GALNT10: variants seen among roughly 807,000 people sequenced by gnomAD.
GALNT10 encodes the protein GalNAc transferase 10.
In GALNT10, 41 loss-of-function variants were observed where a neutral mutation model predicts 75.0. That is an observed-to-expected ratio of 0.55 (90% CI 0.43 to 0.71). The LOEUF is 0.71. GALNT10 is among the 30% of genes least tolerant of loss of function. The pLI is 0.00. For synonymous variants in GALNT10, 302 were observed against 313.0 expected, an observed-to-expected ratio of 0.96 and a Z score of 0.37; for missense variants, 727 against 818.5, an observed-to-expected ratio of 0.89 and a Z score of 1.36.
chr5:154,209,702 A>G (rs1581919430), intron 1 of GALNT10, among the ~76,000 whole-genome samples: 1 of 152,280 alleles, frequency 6.6e-6, no homozygotes, highest in South Asian at 2.1e-4. Context: ...TTCATGACCT[A>G]ATTACCTTCC....
intron 1 of GALNT10, among the ~76,000 whole-genome samples, chr5:154,244,028 T>C (rs1362892800): frequency 6.6e-6 from 1 of 152,088 alleles, no homozygotes; most frequent in East Asian, 1.9e-4. Context: ...AGTGGGTGAG[T>C]AGCAGCACCA....
intron 7 of GALNT10, 107 bp downstream of exon 7, chr5:154,386,537 G>T: frequency 1.8e-6 from 1 of 550,264 alleles, no homozygotes; most frequent in Non-Finnish European, 3.4e-6. Flanking sequence ...AGGCCTCAGG[G>T]TTCTGTAGCC....
At chr5:154,300,905 AGGGCTAGCCAGG>A (rs1273945291) in intron 3 of GALNT10, among the ~76,000 whole-genome samples, 1 of 152,194 alleles carries the variant, frequency 6.6e-6, no homozygotes, top group Non-Finnish European at 1.5e-5. Context: ...AGGAACAACT[AGGGCTAGCCAGG>A]GGATGGGGAT....
intron 1 of GALNT10, among the ~76,000 whole-genome samples, chr5:154,202,180 A>T (rs1775036984): frequency 6.6e-6 from 1 of 152,200 alleles, no homozygotes; most frequent in African/African-American, 2.4e-5. Context: ...AGAACAGCTT[A>T]GGTCCCCCCA....
At chr5:154,411,948 A>T (rs6866066) in intron 9 of GALNT10, among the ~76,000 whole-genome samples, 3,931 of 152,270 alleles carry the variant, frequency 0.026, 179 homozygotes, top group African/African-American at 0.084. Context: ...AGACTGCAGT[A>T]AAGCTGTAAG....
chr5:154,368,269 G>A (rs550699881), intron 4 of GALNT10, among the ~76,000 whole-genome samples: 1 of 152,318 alleles, frequency 6.6e-6, no homozygotes, highest in Admixed American at 6.5e-5. Flanking sequence ...TGGCACAGCA[G>A]GAGCTCAGGA....
rs3734084 is a variant in GALNT10 at position 154,386,611 on chromosome 5, G to A, written c.1056+181G>A. ...CCACTCTTTGTTGTGGGGTGGGGGGGTGTGGGAGGGAAGGGGAGTACTCTC... is the reference window on the plus strand; with the variant it reads ...CCACTCTTTGTTGTGGGGTGGGGGGATGTGGGAGGGAAGGGGAGTACTCTC... On this transcript the variant is annotated intron_variant, in intron 7 of 11. Transcript: ENST00000297107. The A allele has an allele frequency of 7.5e-3, 4,054 of 541,080 alleles. 589 individuals are homozygous for A. In the East Asian group the frequency reaches 0.12, roughly 16 times the overall value. 33.5% of individuals were successfully genotyped at this position (541,080 alleles called of 1,614,324 possible).
chr5:154,339,795 A>G (rs1755002901), intron 4 of GALNT10, among the ~76,000 whole-genome samples: 1 of 152,184 alleles, frequency 6.6e-6, no homozygotes, highest in South Asian at 2.1e-4. Context: ...TTAAAGTCTA[A>G]CCTTTTCCAC....
intron 3 of GALNT10, among the ~76,000 whole-genome samples, chr5:154,318,467 C>G (rs1201013977): frequency 2.0e-5 from 3 of 151,792 alleles, no homozygotes; most frequent in Non-Finnish European, 4.4e-5. Flanking sequence ...ATATAAAAGA[C>G]AGATGGGTTT....
chr5:154,359,160 C>T (rs946749832), intron 4 of GALNT10, among the ~76,000 whole-genome samples: 1 of 152,158 alleles, frequency 6.6e-6, no homozygotes, highest in Non-Finnish European at 1.5e-5. Context: ...GCTGTCTCCT[C>T]CTTCATGTAC....
chr5:154,322,434 C>T (rs1237839801), intron 3 of GALNT10, among the ~76,000 whole-genome samples: 2 of 152,060 alleles, frequency 1.3e-5, no homozygotes, highest in African/African-American at 4.8e-5. Flanking sequence ...TTTAAAGACC[C>T]CTTGTGATTA....
At chr5:154,353,423 G>T (rs1277430363) in intron 4 of GALNT10, among the ~76,000 whole-genome samples, 1 of 152,106 alleles carries the variant, frequency 6.6e-6, no homozygotes, top group Non-Finnish European at 1.5e-5. Flanking sequence ...CTGCAAAAAG[G>T]ACTTTCGTCC....
intron 1 of GALNT10, among the ~76,000 whole-genome samples, chr5:154,210,385 T>TACACACACACACACAC (rs35928766): frequency 2.3e-4 from 35 of 148,972 alleles, no homozygotes; most frequent in Non-Finnish European, 3.0e-5. Context: ...CACACATGCA[T>TACACACACACACACAC]ACACACACAC....
intron 4 of GALNT10, among the ~76,000 whole-genome samples, chr5:154,353,518 A>T (rs1055647226): frequency 6.6e-6 from 1 of 152,102 alleles, no homozygotes; most frequent in African/African-American, 2.4e-5. Flanking sequence ...CCTCAGGCGC[A>T]TTGGGTGGAA....
At chr5:154,329,822 G>T (rs1271542928) in intron 4 of GALNT10, 84 bp downstream of exon 4, 1 of 958,214 alleles carries the variant, frequency 1.0e-6, no homozygotes, top group African/African-American at 1.6e-5. Context: ...CCCTTCTTTA[G>T]CAGCATCAAC....
chr5:154,204,986 A>G (rs368083387), intron 1 of GALNT10, among the ~76,000 whole-genome samples: 1 of 152,218 alleles, frequency 6.6e-6, no homozygotes, highest in African/African-American at 2.4e-5. Flanking sequence ...GAATGAATGC[A>G]TGCATACCTG....
At chr5:154,322,474 C>T (rs1306616174) in intron 3 of GALNT10, among the ~76,000 whole-genome samples, 1 of 152,150 alleles carries the variant, frequency 6.6e-6, no homozygotes, top group Non-Finnish European at 1.5e-5. Context: ...ATCCTGGCTC[C>T]TCAAACCCAT....
In GALNT10 at chr5:154,246,109, T is replaced by C. The variant is rs576541506; in HGVS notation, c.160-48707T>C. 4.6e-5 allele frequency among the ~76,000 whole-genome samples: 7 copies of C among 151,306 alleles called. No homozygotes were observed. The South Asian group carries it at 1.5e-3, about 32-fold the overall frequency. ...TTGCTGAGAATGATGGTTTCCAGTT[T>C]CATCCGTGTCCCTACAAAGGACATG... is the stretch of plus-strand genomic sequence containing the variant. On this transcript the variant is annotated intron_variant, in intron 1 of 11. Coordinates refer to ENST00000297107, the MANE Select transcript of GALNT10 (RefSeq NM_198321.4).
chr5:154,282,046 T>C (rs1486703756), intron 1 of GALNT10, among the ~76,000 whole-genome samples: 3 of 152,250 alleles, frequency 2.0e-5, no homozygotes, highest in African/African-American at 7.2e-5. Context: ...AAGAAGCGTA[T>C]TTGGTCACAG....
Sources: allele counts gnomAD v4.1 joint callset (sites outside exome capture counted in the v4.1 genomes callset), GRCh38; gene constraint gnomAD v4.1.1; transcripts MANE v1.5; gene names NCBI Gene and HGNC (gene_info 2026-07-23, HGNC 2026-07-21).